Variants in SH2D6 observed in about 807,000 individuals in gnomAD.
The protein encoded by SH2D6 is SH2 domain-containing protein 6.
Under a neutral mutation model 30.2 loss-of-function variants are expected in SH2D6, and 31 were observed. The ratio of observed to expected loss-of-function variants is 1.03; its 90% CI spans 0.77 to 1.38. The LOEUF is 1.38. Ranked by LOEUF, SH2D6 falls within the 40% of genes most tolerant of loss-of-function variation. The pLI, the probability that SH2D6 is intolerant of heterozygous loss-of-function variation, is 0.00. For synonymous variants in SH2D6, 93 were observed against 104.6 expected, an observed-to-expected ratio of 0.89 and a Z score of 0.68; for missense variants, 240 against 266.8, an observed-to-expected ratio of 0.90 and a Z score of 0.70.
At chr2:85,435,261 T>C in intron 20 of SH2D6, 138 bp downstream of exon 20, 1 of 1,239,382 alleles carries the variant, frequency 8.1e-7, no homozygotes, top group Non-Finnish European at 1.2e-6. Context: ...CACCCCGCCG[T>C]GCCCCAGACA....
At chr2:85,425,659 C>T (rs1185448218) in intron 6 of SH2D6, among the ~76,000 whole-genome samples, 2 of 152,220 alleles carry the variant, frequency 1.3e-5, no homozygotes, top group Admixed American at 6.5e-5. Flanking sequence ...TAGCTCATAG[C>T]ATCTCCAGCA....
At chr2:85,436,202 C>T (rs986511609) in intron 22 of SH2D6, among the ~76,000 whole-genome samples, 4 of 152,178 alleles carry the variant, frequency 2.6e-5, no homozygotes, top group Non-Finnish European at 5.9e-5. Flanking sequence ...AGGACCAGGG[C>T]AGAGGCGCAC....
In SH2D6 at chr2:85,433,701, T is replaced by C. The variant is rs1156429227; in HGVS notation, c.454+70T>C. ...CAGCTGCTCACAGCACAACACACTC[T>C]CCTGGCTCCATCTGCTTCCCTTGCT... On this transcript the variant is annotated intron_variant, in intron 16 of 23. Coordinates refer to ENST00000469800, the MANE Select transcript of SH2D6 (RefSeq NM_001394463.1). 7.4e-6 allele frequency: 8 copies of C among 1,081,334 alleles called. No homozygotes were observed. In the African/African-American group the frequency reaches 9.7e-5, roughly 13 times the overall value. 67.0% of individuals were successfully genotyped at this position (1,081,334 alleles called of 1,614,324 possible).
In SH2D6 at chr2:85,434,978, C is replaced by T. The variant is rs745993889; in HGVS notation, c.590-87C>T. 6.4e-6 allele frequency: 10 copies of T among 1,574,308 alleles called. No homozygotes were observed. The highest frequency in any genetic ancestry group is 4.0e-5 in the African/African-American group (3 of 74,118). ...GCCATGTACGCCTCCTCCTACCCCC[C>T]ACCCCCGCAGCTGTCCCCTAGAAGC... On this transcript the variant is annotated intron_variant, in intron 19 of 23. Transcript: ENST00000469800.
rs572427641 is a variant in SH2D6, at chr2:85,434,355, C to T, written c.549C>T (p.Pro183=). 138 of 1,548,972 alleles carry T rather than the reference C, an allele frequency of 8.9e-5. 2 individuals are homozygous for T. The South Asian group carries it at 1.4e-3, about 15-fold the overall frequency. Residue 183 remains proline (P), a synonymous_variant, in exon 18 of 24, where the codon CCC becomes CCT. Coordinates refer to ENST00000469800, the MANE Select transcript of SH2D6 (RefSeq NM_001394463.1). The stretch of plus-strand genomic sequence containing the variant: ...CTTCCCACAGGCCTACCACAGCCCC[C>T]CAGGAAACTCGGAATGTAAGAGGCT... The part of the protein sequence containing the change: ...TSVVPRPTTA[P]QETRNGTADA...
Position 85,424,686 on chromosome 2 carries a change from C to T in SH2D6, c.-308-622C>T, listed in dbSNP as rs13404204. On this transcript the variant is annotated intron_variant, in intron 5 of 23. Coordinates refer to ENST00000469800, the MANE Select transcript of SH2D6 (RefSeq NM_001394463.1). ...AGGATCAGTTGAGTCCTAACCTAAA[C>T]TTGAGGCATGAGTTTGAGGCTGCAG... is the stretch of plus-strand genomic sequence containing the variant. Among the ~76,000 whole-genome samples, 288 of 152,274 alleles carry T rather than the reference C, an allele frequency of 1.9e-3. 1 individual carries two copies. Among genetic ancestry groups the T allele is most frequent in the African/African-American group, 6.5e-3 (272 of 41,558 alleles).
At chr2:85,433,749 C>T (rs1689049270) in intron 16 of SH2D6, 118 bp downstream of exon 16, 1 of 791,144 alleles carries the variant, frequency 1.3e-6, no homozygotes. Context: ...CCCCCACCAA[C>T]ACGCATTTGC....
intron 6 of SH2D6, among the ~76,000 whole-genome samples, chr2:85,426,533 T>C (rs912535613): frequency 2.0e-5 from 3 of 152,164 alleles, no homozygotes; most frequent in African/African-American, 7.2e-5. Context: ...ATGCTGTGGT[T>C]ATGAATCTTC....
Position 85,434,384 on chromosome 2 carries a change from G to T in SH2D6, c.564+14G>T. 1 of 1,550,432 alleles carries T rather than the reference G, an allele frequency of 6.4e-7. No homozygotes were observed. The highest frequency in any genetic ancestry group is 8.7e-7 in the Non-Finnish European group (1 of 1,146,856). On this transcript the variant is annotated intron_variant, in intron 18 of 23. Transcript: ENST00000469800. ...GAAACTCGGAATGTAAGAGGCTGAT[G>T]GTCAGGGGAGAAGAGAGGGAGGCAG...
chr2:85,428,279 T>A (rs6547617), intron 6 of SH2D6, among the ~76,000 whole-genome samples: 85,482 of 151,996 alleles, frequency 0.56, 24,729 homozygotes, highest in African/African-American at 0.68. Flanking sequence ...GAGGTACAGG[T>A]TGCTTAGCCT....
At chr2:85,419,838 G>A (rs1294613643) in intron 2 of SH2D6, among the ~76,000 whole-genome samples, 1 of 152,196 alleles carries the variant, frequency 6.6e-6, no homozygotes, top group African/African-American at 2.4e-5. Flanking sequence ...CTCCAAAAGG[G>A]ATATTCAAAG....
At chr2:85,427,256 C>T (rs1025180646) in intron 6 of SH2D6, among the ~76,000 whole-genome samples, 1 of 152,202 alleles carries the variant, frequency 6.6e-6, no homozygotes, top group East Asian at 1.9e-4. Context: ...GGCGTTATAC[C>T]TTCAAAATGT....
chr2:85,429,501 G>T (rs1050874076), intron 8 of SH2D6, 33 bp downstream of exon 8: 2 of 152,640 alleles, frequency 1.3e-5, no homozygotes, highest in Non-Finnish European at 2.9e-5. Flanking sequence ...CCTCAGGCAT[G>T]TAAACCTGCC....
intron 23 of SH2D6, 25 bp from the exon 24 acceptor site, chr2:85,436,812 C>T: frequency 2.0e-6 from 1 of 505,818 alleles, no homozygotes; most frequent in Non-Finnish European, 3.6e-6. Context: ...CTCTCCAAGG[C>T]TGACACCCTC....
At chr2:85,422,028 A>C (rs1176186990) in intron 2 of SH2D6, 175 bp from the exon 3 acceptor site, 1 of 152,178 alleles carries the variant, frequency 6.6e-6, no homozygotes, top group African/African-American at 2.4e-5. Flanking sequence ...GGCTGAGTGC[A>C]GGATAAAGAG....
intron 14 of SH2D6, among the ~76,000 whole-genome samples, chr2:85,432,734 C>T (rs1464101968): frequency 6.6e-6 from 1 of 152,162 alleles, no homozygotes; most frequent in Admixed American, 6.5e-5. Context: ...CAAGATTTCA[C>T]CATGTTGGCC....
chr2:85,426,298 C>T (rs540802327), intron 6 of SH2D6, among the ~76,000 whole-genome samples: 46 of 152,324 alleles, frequency 3.0e-4, no homozygotes, highest in African/African-American at 9.4e-4. Context: ...TGTAGGTTTT[C>T]GTCCACGGTT....
intron 16 of SH2D6, among the ~76,000 whole-genome samples, 184 bp downstream of exon 16, chr2:85,433,815 T>C (rs1689059270): frequency 6.6e-6 from 1 of 152,216 alleles, no homozygotes; most frequent in Non-Finnish European, 1.5e-5. Context: ...TGACCCACAC[T>C]GTGCCAGCAA....
chr2:85,436,498 C>T lies in SH2D6; in HGVS notation c.924C>T (p.His308=). Reference sequence around the variant, plus strand: ...CCTCCGTGGCGGCCATGGTCCAGCACTTCATGTGGCACCCTCTGCCCCTTG... The same window carrying T: ...CCTCCGTGGCGGCCATGGTCCAGCATTTCATGTGGCACCCTCTGCCCCTTG... The part of the protein sequence containing the change: ...LFSSVAAMVQ[H]FMWHPLPLVD... The change falls in exon 23 of 24, where the codon CAC becomes CAT. Residue 308 remains histidine (H), a synonymous_variant. Coordinates refer to ENST00000469800, the MANE Select transcript of SH2D6 (RefSeq NM_001394463.1). 1 of 1,613,726 alleles carries T rather than the reference C, an allele frequency of 6.2e-7. No individual in the cohort carries two copies. Among genetic ancestry groups the T allele is most frequent in the Non-Finnish European group, 8.5e-7 (1 of 1,179,996 alleles).
Sources: gnomAD v4.1 joint callset for allele counts (sites outside exome capture counted in the v4.1 genomes callset) on GRCh38, gnomAD v4.1.1 for gene constraint, MANE v1.5 for transcripts, NCBI Gene and HGNC (gene_info 2026-07-23, HGNC 2026-07-21) for gene names.